The following TLCD4 variants were observed in gnomAD, a reference collection of about 807,000 sequenced individuals.
TLCD4 encodes the protein TLC domain containing 4, also known as TLC domain-containing protein 4.
Under a neutral mutation model 24.2 loss-of-function variants are expected in TLCD4, and 7 were observed. The observed-to-expected ratio is 0.29, with a 90% confidence interval of 0.16 to 0.54. The LOEUF (loss-of-function observed/expected upper bound fraction) is 0.54. Among genes scored for constraint, TLCD4 ranks in the 20% least tolerant of loss-of-function variants. TLCD4 has a pLI of 0.95. For synonymous variants in TLCD4, 103 were observed against 106.4 expected (o/e 0.97, Z 0.20); for missense variants, 259 against 313.9 (o/e 0.82, Z 1.32).
chr1:95,183,391 A>C (rs966697417), intron 6 of TLCD4, among the ~76,000 whole-genome samples: 2 of 151,330 alleles, frequency 1.3e-5, no homozygotes, highest in African/African-American at 4.8e-5. Flanking sequence ...AAGGTGACGA[A>C]TTTAGTGCGG....
At chr1:95,109,094 G>A in the TLCD4 span, among the ~76,000 whole-genome samples, 89 of 152,294 alleles carry the variant, frequency 5.8e-4, no homozygotes, top group African/African-American at 2.1e-3. Context: ...TTGAGAGGCT[G>A]AGGTGGGCAG....
intron 6 of TLCD4, among the ~76,000 whole-genome samples, chr1:95,184,418 C>A (rs749041887): frequency 6.6e-6 from 1 of 151,992 alleles, no homozygotes; most frequent in African/African-American, 2.4e-5. Context: ...TGAATTAGAG[C>A]AAATAATTCC....
At chr1:95,114,738 G>A (rs917083271), upstream of TLCD4, among the ~76,000 whole-genome samples, 4 of 151,938 alleles carry the variant, frequency 2.6e-5, no homozygotes, top group African/African-American at 4.8e-5. Context: ...GCTGAAGCAC[G>A]AGATCTGAAA....
chr1:95,180,651 T>C (rs1678605410), intron 6 of TLCD4, among the ~76,000 whole-genome samples: 1 of 152,202 alleles, frequency 6.6e-6, no homozygotes. Context: ...GCAGGTTTCT[T>C]TTATATAAAG....
intron 6 of TLCD4, among the ~76,000 whole-genome samples, chr1:95,188,389 GA>G (rs60956010): frequency 1.8e-3 from 183 of 104,500 alleles, no homozygotes; most frequent in African/African-American, 6.2e-3. Context: ...CTCCGTCTCA[GA>G]AAAAAAAAAA....
At chr1:95,175,559 G>T (rs781201354) in intron 6 of TLCD4, among the ~76,000 whole-genome samples, 1 of 152,092 alleles carries the variant, frequency 6.6e-6, no homozygotes, top group Non-Finnish European at 1.5e-5. Flanking sequence ...TCTAGAAGTG[G>T]GATTGCTGGA....
chr1:95,120,633 C>G (rs1676543979), intron 1 of TLCD4, among the ~76,000 whole-genome samples: 1 of 152,178 alleles, frequency 6.6e-6, no homozygotes. Flanking sequence ...TGAGCCAGCA[C>G]TGGAGGAAGG....
chr1:95,094,706 C>A, the TLCD4 span, among the ~76,000 whole-genome samples: 1 of 152,126 alleles, frequency 6.6e-6, no homozygotes, highest in Non-Finnish European at 1.5e-5. Flanking sequence ...GTGAAACCAG[C>A]AGAAGAACTT....
intron 2 of TLCD4, among the ~76,000 whole-genome samples, chr1:95,146,649 A>G (rs1470437764): frequency 6.6e-6 from 1 of 152,170 alleles, no homozygotes; most frequent in Non-Finnish European, 1.5e-5. Flanking sequence ...TTTAAATAAT[A>G]AAATATAAAA....
At chr1:95,128,174 C>T (rs1182842915) in intron 1 of TLCD4, among the ~76,000 whole-genome samples, 3 of 152,090 alleles carry the variant, frequency 2.0e-5, no homozygotes, top group Non-Finnish European at 4.4e-5. Flanking sequence ...GGCATAAGGC[C>T]TAGAAAATGA....
chr1:95,152,536 C>T (rs2100949675), intron 5 of TLCD4, among the ~76,000 whole-genome samples: 1 of 151,972 alleles, frequency 6.6e-6, no homozygotes, highest in African/African-American at 2.4e-5. Flanking sequence ...GAAGCAAGTT[C>T]CCTGCAGTTT....
At chr1:95,141,509 A>AT (rs1343844924) in intron 1 of TLCD4, among the ~76,000 whole-genome samples, 20 of 151,660 alleles carry the variant, frequency 1.3e-4, no homozygotes, top group Admixed American at 6.6e-4. Context: ...TACTGATTAT[A>AT]TTTTTTTTCC....
chr1:95,189,614 G>T (rs1678956945), intron 6 of TLCD4, among the ~76,000 whole-genome samples: 3 of 152,074 alleles, frequency 2.0e-5, no homozygotes, highest in African/African-American at 7.2e-5. Flanking sequence ...TGATACTTTT[G>T]CTTTTTCTAG....
chr1:95,148,863 C>G, intron 3 of TLCD4, 72 bp downstream of exon 3: 5 of 1,559,592 alleles, frequency 3.2e-6, no homozygotes, highest in Non-Finnish European at 4.3e-6. Context: ...AAGAACATCA[C>G]TTACTTTAAA....
chr1:95,161,597 G>C (rs1677810233), intron 5 of TLCD4, among the ~76,000 whole-genome samples: 1 of 152,130 alleles, frequency 6.6e-6, no homozygotes, highest in African/African-American at 2.4e-5. Context: ...TGATGTTAGG[G>C]TGTCAATTTT....
At chr1:95,187,874 G>A (rs780097782) in intron 6 of TLCD4, among the ~76,000 whole-genome samples, 9 of 151,870 alleles carry the variant, frequency 5.9e-5, no homozygotes, top group Admixed American at 2.6e-4. Flanking sequence ...TTGGTGAGGC[G>A]CCTCTCCTCT....
chr1:95,154,591 G>A (rs1227911617), intron 5 of TLCD4, among the ~76,000 whole-genome samples: 1 of 151,886 alleles, frequency 6.6e-6, no homozygotes, highest in African/African-American at 2.4e-5. Context: ...ATTATTTGAT[G>A]GTCTCTATCT....
At chr1:95,162,647 TC>T (rs1432365165) in intron 5 of TLCD4, among the ~76,000 whole-genome samples, 1 of 151,868 alleles carries the variant, frequency 6.6e-6, no homozygotes, top group Non-Finnish European at 1.5e-5. Flanking sequence ...TACTGGTTGT[TC>T]CTTTCCATGT....
At position 95,176,666 on chromosome 1, in the gene TLCD4, C is replaced by T. The variant is rs1010927145; in HGVS notation, c.473+2777C>T. Among the ~76,000 whole-genome samples, 71 of 152,210 alleles carry T rather than the reference C, an allele frequency of 4.7e-4. 1 individual carries two copies. The highest frequency in any genetic ancestry group is 1.3e-4 in the Admixed American group (2 of 15,290). ...TTAAAGTTGATGAAGTCCCATTTGTCAGTTTTCGTTTTTGTTGCCTGTGCT... is the reference window on the plus strand; with the variant it reads ...TTAAAGTTGATGAAGTCCCATTTGTTAGTTTTCGTTTTTGTTGCCTGTGCT... On this transcript the variant is annotated intron_variant, in intron 6 of 6. Coordinates refer to ENST00000370203, the MANE Select transcript of TLCD4 (RefSeq NM_152487.3).
Sources: allele counts gnomAD v4.1 joint callset (sites outside exome capture counted in the v4.1 genomes callset), GRCh38; gene constraint gnomAD v4.1.1; transcripts MANE v1.5; gene names NCBI Gene and HGNC (gene_info 2026-07-23, HGNC 2026-07-21).